The following ZNF384 variants were observed in gnomAD, a reference collection of about 807,000 sequenced individuals.
ZNF384 encodes the protein zinc finger protein 384, also known as CAG repeat protein 1.
In ZNF384, 20 loss-of-function variants were observed where a neutral mutation model predicts 65.0. The ratio of observed to expected loss-of-function variants is 0.31; its 90% CI spans 0.22 to 0.45. The LOEUF (loss-of-function observed/expected upper bound fraction) is 0.45. Ranked by LOEUF, ZNF384 falls within the 20% of genes least tolerant of loss-of-function variation. ZNF384 has a pLI of 1.00. For synonymous variants in ZNF384, 310 were observed against 303.9 expected (o/e 1.02, Z -0.21); for missense variants, 549 against 769.4 (o/e 0.71, Z 3.39).
chr12:6,668,035 T>A lies in ZNF384; in HGVS notation c.1506A>T (p.Ala502=). The change falls in exon 12 of 12, where the codon GCA becomes GCT. Residue 502 remains alanine, a synonymous_variant. Coordinates refer to ENST00000683879, the MANE Select transcript of ZNF384 (RefSeq NM_001385745.1). ...CTTGAGCCTGGGCCTGGGCCACTGC[T>A]GCCGCTGCTGCTGCTGCCTGCACCT... The part of the protein sequence containing the change: ...QQQVQAAAAA[A]AVAQAQAQAQ... 2 of 1,613,680 alleles carry A rather than the reference T, an allele frequency of 1.2e-6. No individual in the cohort carries two copies. The highest frequency in any genetic ancestry group is 1.7e-6 in the Non-Finnish European group (2 of 1,179,722).
rs11064312 is a variant in ZNF384 at position 6,680,196 on chromosome 12, C to G, written c.-5-671G>C. ...CCCAGGCTGGTCTTGAACTCCTAGG[C>G]TCAAGGGATCAGCCCACCTTAGTCT... On this transcript the variant is annotated intron_variant, in intron 2 of 11. Transcript: ENST00000683879. Among the ~76,000 whole-genome samples, 731 of 152,250 alleles carry G rather than the reference C, an allele frequency of 4.8e-3. 21 individuals are homozygous for G. The East Asian group carries it at 0.1, about 21-fold the overall frequency.
chr12:6,682,438 T>G (rs1233433858), intron 2 of ZNF384, among the ~76,000 whole-genome samples: 3 of 152,102 alleles, frequency 2.0e-5, no homozygotes, highest in African/African-American at 7.2e-5. Context: ...GTGGACAGAT[T>G]GCTTGAGTCC....
rs905125155 is a variant in ZNF384, at chr12:6,673,548, C to A, written c.780-108G>T. ...CCACCTATCTGAGGTCTCTCCTACT[C>A]CAACTTGAGAGTAGAGCTCTATATA... is the stretch of plus-strand genomic sequence containing the variant. On this transcript the variant is annotated intron_variant, in intron 7 of 11. Coordinates refer to ENST00000683879, the MANE Select transcript of ZNF384 (RefSeq NM_001385745.1). This position sits in a 1 kb window ranked among gnomAD's most constrained non-coding sequence, Gnocchi z 4.7. 9.2e-6 allele frequency: 8 copies of A among 865,648 alleles called. No homozygotes were observed. The highest frequency in any genetic ancestry group is 1.4e-5 in the Non-Finnish European group (8 of 554,940). 53.6% of individuals were successfully genotyped at this position (865,648 alleles called of 1,614,324 possible). A position where few individuals can be genotyped will look rare whatever the true frequency, so the allele number is the denominator to read the frequency against.
Position 6,673,152 on chromosome 12 carries a change from G to C in ZNF384, c.1004+64C>G. ...AATAATACATGTGGAGAGAGGAGTAGGTGCAGGCAACATGGTCTTAGGGTT... is the reference window on the plus strand; with the variant it reads ...AATAATACATGTGGAGAGAGGAGTACGTGCAGGCAACATGGTCTTAGGGTT... On this transcript the variant is annotated intron_variant, in intron 8 of 11. Coordinates refer to ENST00000683879, the MANE Select transcript of ZNF384 (RefSeq NM_001385745.1). The surrounding 1 kb of genome is among the most constrained non-coding windows in gnomAD (Gnocchi z 4.7). 1 of 1,440,288 alleles carries C rather than the reference G, an allele frequency of 6.9e-7. No individual in the cohort carries two copies. The highest frequency in any genetic ancestry group is 9.6e-7 in the Non-Finnish European group (1 of 1,037,624). 89.2% of individuals were successfully genotyped at this position (1,440,288 alleles called of 1,614,324 possible).
chr12:6,668,669 C>T (rs891821854), intron 11 of ZNF384, among the ~76,000 whole-genome samples: 3 of 150,572 alleles, frequency 2.0e-5, no homozygotes, highest in Admixed American at 2.0e-4. Context: ...GATCACACCA[C>T]TGCACTCCAG....
In ZNF384 at chr12:6,673,481, A is replaced by G. The variant is rs1297829187; in HGVS notation, c.780-41T>C. On this transcript the variant is annotated intron_variant, in intron 7 of 11. Transcript: ENST00000683879. The surrounding 1 kb of genome is among the most constrained non-coding windows in gnomAD (Gnocchi z 4.7). ...GCAATGGTTAGAACCCTTCCCATCAAGAAGGTGTGGCTGAACCCTCCCCTC... is the reference window on the plus strand; with the variant it reads ...GCAATGGTTAGAACCCTTCCCATCAGGAAGGTGTGGCTGAACCCTCCCCTC... 1.9e-6 allele frequency: 3 copies of G among 1,587,496 alleles called. No homozygotes were observed. The highest frequency in any genetic ancestry group is 1.3e-5 in the African/African-American group (1 of 74,416).
Position 6,667,693 on chromosome 12 carries a change from A to C in ZNF384, c.*21T>G. The C allele has an allele frequency of 6.2e-7, 1 of 1,613,990 alleles. No homozygotes were observed. On this transcript the variant is annotated 3_prime_UTR_variant, in exon 12 of 12. Coordinates refer to ENST00000683879, the MANE Select transcript of ZNF384 (RefSeq NM_001385745.1). ...ACCAGGACTACTTCTTCCTCTTCCC[A>C]GTGGGTGGCAGCACGGATCTCTAAG... is the stretch of plus-strand genomic sequence containing the variant.
rs753222876 is a variant in ZNF384 at position 6,667,691 on chromosome 12, C to G, written c.*23G>C. Reference sequence around the variant, plus strand: ...ACACCAGGACTACTTCTTCCTCTTCCCAGTGGGTGGCAGCACGGATCTCTA... The same window carrying G: ...ACACCAGGACTACTTCTTCCTCTTCGCAGTGGGTGGCAGCACGGATCTCTA... On this transcript the variant is annotated 3_prime_UTR_variant, in exon 12 of 12. Coordinates refer to ENST00000683879, the MANE Select transcript of ZNF384 (RefSeq NM_001385745.1). 1.9e-6 allele frequency: 3 copies of G among 1,613,898 alleles called. No homozygotes were observed. Among genetic ancestry groups the G allele is most frequent in the Non-Finnish European group, 2.5e-6 (3 of 1,180,030 alleles).
chr12:6,675,113 C>T (rs1197282858), intron 7 of ZNF384, among the ~76,000 whole-genome samples: 2 of 152,170 alleles, frequency 1.3e-5, no homozygotes, highest in African/African-American at 4.8e-5. Context: ...TAATAACCCA[C>T]TTAGTCAAAG....
chr12:6,681,555 G>C (rs1286896738), intron 2 of ZNF384, among the ~76,000 whole-genome samples: 4 of 152,158 alleles, frequency 2.6e-5, no homozygotes, highest in Admixed American at 2.6e-4. Context: ...CCCGTGACAG[G>C]CAAGTTGACC....
At chr12:6,684,129 G>A (rs36028892) in intron 2 of ZNF384, among the ~76,000 whole-genome samples, 1,529 of 152,214 alleles carry the variant, frequency 0.01, 25 homozygotes, top group African/African-American at 0.035. Context: ...ACATCATTTA[G>A]TCCCTGCAAC....
intron 11 of ZNF384, 30 bp downstream of exon 11, chr12:6,669,001 G>C: frequency 6.3e-7 from 1 of 1,580,540 alleles, no homozygotes; most frequent in Non-Finnish European, 8.6e-7. Context: ...AGAGGACTAT[G>C]AGGAAGGAGA....
Position 6,670,823 on chromosome 12 carries a change from A to T in ZNF384, c.1203T>A (p.Asp401Glu), listed in dbSNP as rs767185581. 2 of 1,614,158 alleles carry T rather than the reference A, an allele frequency of 1.2e-6. No individual in the cohort carries two copies. Among genetic ancestry groups the T allele is most frequent in the Non-Finnish European group, 1.7e-6 (2 of 1,180,008 alleles). ...LQQHTRIHTG[D>E]RPYKCAHPGC... ...CTGGGTGTGCACATTTGTATGGTCT[A>T]TCACCAGTGTGGATTCTGCACAGGA... Residue 401 changes from aspartate (D) to glutamate (E), a missense_variant, in exon 10 of 12, where the codon GAT (aspartate) becomes GAA (glutamate). Physicochemically the swap from Asp to Glu is conservative, Grantham distance 45. Coordinates refer to ENST00000683879, the MANE Select transcript of ZNF384 (RefSeq NM_001385745.1).
intron 6 of ZNF384, among the ~76,000 whole-genome samples, chr12:6,677,518 A>G (rs1488554564): frequency 6.6e-6 from 1 of 152,246 alleles, no homozygotes; most frequent in Admixed American, 6.5e-5. Flanking sequence ...AAATACGCAT[A>G]TAATGCTTTT....
chr12:6,684,882 A>G (rs1957338485), intron 2 of ZNF384, among the ~76,000 whole-genome samples: 2 of 152,140 alleles, frequency 1.3e-5, no homozygotes, highest in East Asian at 1.9e-4. Flanking sequence ...GATCACTCAA[A>G]TATCTGCTTA....
At chr12:6,671,757 C>G (rs1203201003) in intron 9 of ZNF384, 1 of 152,630 alleles carries the variant, frequency 6.6e-6, no homozygotes, top group Non-Finnish European at 1.5e-5. Context: ...CCTAGTCACT[C>G]CAGATTCACG....
At chr12:6,687,077 C>T (rs1013924001) in intron 2 of ZNF384, among the ~76,000 whole-genome samples, 2 of 152,072 alleles carry the variant, frequency 1.3e-5, no homozygotes, top group Admixed American at 1.3e-4. Flanking sequence ...CAAAAGGAAA[C>T]AAAATCTCTT....
At position 6,678,054 on chromosome 12, in the gene ZNF384, C is replaced by T; in HGVS notation, c.686+73G>A. On this transcript the variant is annotated intron_variant, in intron 6 of 11. Coordinates refer to ENST00000683879, the MANE Select transcript of ZNF384 (RefSeq NM_001385745.1). The surrounding 1 kb of genome is among the most constrained non-coding windows in gnomAD (Gnocchi z 4.9). ...AGTGTAGCGCCTGACCGGGGCAGAA[C>T]ACAATGAGGGTACAGGGAGAATCAC... 2.8e-6 allele frequency: 4 copies of T among 1,424,192 alleles called. No individual in the cohort carries two copies. Among genetic ancestry groups the T allele is most frequent in the Non-Finnish European group, 9.7e-7 (1 of 1,034,084 alleles). The allele number at this position is 1,424,192 out of a possible 1,614,324, so 88.2% of individuals were successfully genotyped here. A position where few individuals can be genotyped will look rare whatever the true frequency, so the allele number is the denominator to read the frequency against.
intron 3 of ZNF384, 23 bp downstream of exon 3, chr12:6,679,432 A>G (rs775828137): frequency 5.4e-5 from 87 of 1,610,634 alleles, no homozygotes; most frequent in Non-Finnish European, 2.0e-5. Context: ...ACTTGGAGAG[A>G]GCAAGAAAGC....
Sources: allele counts gnomAD v4.1 joint callset (sites outside exome capture counted in the v4.1 genomes callset), GRCh38; gene constraint gnomAD v4.1.1; non-coding constraint Gnocchi (gnomAD v3.1); transcripts MANE v1.5; gene names NCBI Gene and HGNC (gene_info 2026-07-23, HGNC 2026-07-21).